HMCN1: variants seen among roughly 807,000 people sequenced by gnomAD.
HMCN1 encodes hemicentin 1, also known as hemicentin-1.
In HMCN1, 321 loss-of-function variants were observed where a neutral mutation model predicts 625.9. The ratio of observed to expected loss-of-function variants is 0.51; its 90% confidence interval spans 0.47 to 0.56. The LOEUF (loss-of-function observed/expected upper bound fraction) is 0.56, where lower values mean the gene tolerates loss of function less well. HMCN1 is among the 20% of genes least tolerant of loss of function. HMCN1 has a pLI of 0.00. For synonymous variants in HMCN1, 2,425 were observed against 2,417.6 expected (o/e 1.00, Z -0.09); for missense variants, 6,588 against 6,887.3 (o/e 0.96, Z 1.54).
intron 34 of HMCN1, among the ~76,000 whole-genome samples, chr1:186,019,295 C>T (rs930266931): frequency 1.3e-5 from 2 of 151,852 alleles, no homozygotes; most frequent in African/African-American, 2.4e-5. Flanking sequence ...ATGTGGATTA[C>T]GGTAGCCATA....
intron 71 of HMCN1, among the ~76,000 whole-genome samples, chr1:186,111,157 T>C (rs1558231402): frequency 6.6e-6 from 1 of 150,870 alleles, no homozygotes; most frequent in Non-Finnish European, 1.5e-5. Flanking sequence ...CTTTTTTGTA[T>C]TTTTTAATAG....
At chr1:185,763,569 G>A (rs555590889) in intron 1 of HMCN1, among the ~76,000 whole-genome samples, 7 of 152,042 alleles carry the variant, frequency 4.6e-5, no homozygotes, top group African/African-American at 1.7e-4. Flanking sequence ...CTAAATGCTT[G>A]GTTAAAAATA....
chr1:186,045,473 A>G (rs1434323264), intron 40 of HMCN1, among the ~76,000 whole-genome samples: 1 of 152,174 alleles, frequency 6.6e-6, no homozygotes, highest in Non-Finnish European at 1.5e-5. Context: ...AGTTTTTTAA[A>G]TAAGAAGTTA....
chr1:186,093,023 G>A (rs1659926542), intron 64 of HMCN1, 111 bp from the exon 65 acceptor site: 1 of 1,409,224 alleles, frequency 7.1e-7, no homozygotes, highest in Non-Finnish European at 1.0e-6. Context: ...AATTTCAGTT[G>A]GTTGCTTGAA....
At chr1:186,032,814 G>A (rs762031365) in intron 36 of HMCN1, among the ~76,000 whole-genome samples, 2 of 151,984 alleles carry the variant, frequency 1.3e-5, no homozygotes, top group Non-Finnish European at 2.9e-5. Context: ...CACTGCTGGT[G>A]GGAATGTAAA....
At position 185,982,226 on chromosome 1, in the gene HMCN1, T is replaced by C. The variant is rs751742227; in HGVS notation, c.2663-36T>C. ...TGGCTTACCTTTCTTTTGGGTGAAA[T>C]AGAGTTGAAAGTGCCTGTGCTCTCT... On this transcript the variant is annotated intron_variant, in intron 17 of 106. Coordinates refer to ENST00000271588, the MANE Select transcript of HMCN1 (RefSeq NM_031935.3). 6 of 1,611,748 alleles carry C rather than the reference T, an allele frequency of 3.7e-6. No individual in the cohort carries two copies. The Admixed American group carries it at 8.3e-5, about 22-fold the overall frequency.
chr1:186,141,684 CTA>C (rs1430913498), intron 89 of HMCN1, among the ~76,000 whole-genome samples: 1 of 152,192 alleles, frequency 6.6e-6, no homozygotes, highest in East Asian at 1.9e-4. Flanking sequence ...GTAGGATTTA[CTA>C]TGTGTCCTGT....
intron 53 of HMCN1, 104 bp from the exon 54 acceptor site, chr1:186,076,324 A>C: frequency 8.8e-7 from 1 of 1,133,128 alleles, no homozygotes. Flanking sequence ...TTATTTCCAC[A>C]TTGTCTAATC....
intron 16 of HMCN1, among the ~76,000 whole-genome samples, chr1:185,980,154 G>C (rs1286337607): frequency 2.6e-5 from 4 of 152,010 alleles, no homozygotes; most frequent in Non-Finnish European, 4.4e-5. Context: ...TGAAAAATGA[G>C]GGAAAGTAAT....
intron 1 of HMCN1, among the ~76,000 whole-genome samples, chr1:185,806,683 T>C (rs1659194950): frequency 6.6e-6 from 1 of 152,226 alleles, no homozygotes; most frequent in South Asian, 2.1e-4. Flanking sequence ...TGCATCTTGC[T>C]TCTTTTACCT....
chr1:186,161,489 T>C (rs1222799743), intron 97 of HMCN1, among the ~76,000 whole-genome samples: 2 of 151,970 alleles, frequency 1.3e-5, no homozygotes, highest in Non-Finnish European at 2.9e-5. Context: ...ATTTTGCTCG[T>C]TAGTTGATGC....
intron 11 of HMCN1, among the ~76,000 whole-genome samples, chr1:185,943,287 A>G (rs1647389884): frequency 6.6e-6 from 1 of 152,148 alleles, no homozygotes; most frequent in Non-Finnish European, 1.5e-5. Flanking sequence ...ATGACTTATG[A>G]TTGGTATCTG....
chr1:185,825,724 C>T (rs1299874540), intron 1 of HMCN1, among the ~76,000 whole-genome samples: 1 of 151,980 alleles, frequency 6.6e-6, no homozygotes, highest in Non-Finnish European at 1.5e-5. Context: ...AGTGTTTGGC[C>T]AGTTGCTTAG....
intron 1 of HMCN1, among the ~76,000 whole-genome samples, chr1:185,806,603 T>C (rs977919255): frequency 8.6e-5 from 13 of 151,964 alleles, no homozygotes; most frequent in African/African-American, 2.9e-4. Flanking sequence ...CAAATTATCT[T>C]TGATTTTTTT....
intron 1 of HMCN1, among the ~76,000 whole-genome samples, chr1:185,780,816 T>TG (rs1345568905): frequency 6.6e-6 from 1 of 152,150 alleles, no homozygotes; most frequent in East Asian, 1.9e-4. Flanking sequence ...TCTCTTTTTT[T>TG]GTTGTGTCTC....
At chr1:186,121,625 T>C (rs1661402789) in intron 80 of HMCN1, among the ~76,000 whole-genome samples, 1 of 152,164 alleles carries the variant, frequency 6.6e-6, no homozygotes, top group Admixed American at 6.6e-5. Flanking sequence ...TGATTTCTGT[T>C]TAATTTTATT....
At chr1:186,107,814 T>G (rs1335544920) in intron 70 of HMCN1, among the ~76,000 whole-genome samples, 1 of 152,130 alleles carries the variant, frequency 6.6e-6, no homozygotes, top group African/African-American at 2.4e-5. Flanking sequence ...ATTTTGAAAC[T>G]AATTGTCAAA....
At chr1:185,890,564 A>G (rs942604650) in intron 4 of HMCN1, among the ~76,000 whole-genome samples, 1 of 142,064 alleles carries the variant, frequency 7.0e-6, no homozygotes. Context: ...TCATTTCGTT[A>G]TGTACCCAGT....
chr1:186,019,560 C>T lies in HMCN1; in HGVS notation c.5490C>T (p.Ser1830=). Residue 1830 remains serine (S), a synonymous_variant, in exon 35 of 107, where the codon TCC becomes TCT. Transcript: ENST00000271588. ...VTVHVPPTIK[S]SGLSERVVVK... is the part of the protein sequence containing the mutation. The stretch of plus-strand genomic sequence containing the variant: ...ATATAGTTCCTCCAACAATCAAGTC[C>T]TCAGGCCTTTCTGAGAGAGTTGTGG... 6.2e-7 allele frequency: 1 copy of T among 1,610,632 alleles called. No individual in the cohort carries two copies. Among genetic ancestry groups the T allele is most frequent in the Non-Finnish European group, 8.5e-7 (1 of 1,177,218 alleles).
Sources: allele counts gnomAD v4.1 joint callset (sites outside exome capture counted in the v4.1 genomes callset), GRCh38; gene constraint gnomAD v4.1.1; transcripts MANE v1.5; gene names NCBI Gene and HGNC (gene_info 2026-07-23, HGNC 2026-07-21).